The following PLA2G4E variants were observed in gnomAD, a reference collection of about 807,000 sequenced individuals.
The protein encoded by PLA2G4E is cytosolic phospholipase A2 epsilon.
Under a neutral mutation model 109.1 loss-of-function variants are expected in PLA2G4E, and 84 were observed. That is an observed-to-expected ratio of 0.77 (90% CI 0.65 to 0.92). The LOEUF (loss-of-function observed/expected upper bound fraction) is 0.92, where lower values mean the gene tolerates loss of function less well. Ranked by LOEUF, PLA2G4E falls within the 40% of genes least tolerant of loss-of-function variation. The probability of loss-of-function intolerance (pLI) is 0.00; values close to 1 mark genes in which losing one functional copy is unlikely to be tolerated. For missense variants in PLA2G4E, 1,057 were observed against 1,076.6 expected, an observed-to-expected ratio of 0.98 and a Z score of 0.25; for synonymous variants, 469 against 436.1, an observed-to-expected ratio of 1.08 and a Z score of -0.94.
intron 12 of PLA2G4E, among the ~76,000 whole-genome samples, 195 bp downstream of exon 12, chr15:41,995,165 T>G (rs924366541): frequency 9.9e-5 from 15 of 152,260 alleles, no homozygotes; most frequent in Non-Finnish European, 2.9e-5. Context: ...TTATCCGCAC[T>G]GTGCAGATAC....
intron 1 of PLA2G4E, among the ~76,000 whole-genome samples, chr15:42,040,455 T>C (rs1889296591): frequency 6.6e-6 from 1 of 152,270 alleles, no homozygotes; most frequent in African/African-American, 2.4e-5. Context: ...GTACTGGTAT[T>C]GTTTTATCAT....
intron 1 of PLA2G4E, among the ~76,000 whole-genome samples, chr15:42,036,593 G>A (rs1010718684): frequency 6.6e-6 from 1 of 152,144 alleles, no homozygotes; most frequent in East Asian, 1.9e-4. Context: ...CACTCCCAAA[G>A]GCTGGGCCAG....
exon 1 of PLA2G4E, chr15:42,050,630 T>A: frequency 6.4e-7 from 1 of 1,550,614 alleles, no homozygotes; most frequent in Non-Finnish European, 8.7e-7. Context: ...GCCTTCTTCA[T>A]CCGTTTGTGG....
chr15:41,996,445 G>C (rs2068342726), intron 11 of PLA2G4E, among the ~76,000 whole-genome samples: 1 of 149,708 alleles, frequency 6.7e-6, no homozygotes, highest in Non-Finnish European at 1.5e-5. Flanking sequence ...GGGGCTGTAA[G>C]AACCTTCCAT....
chr15:41,987,524 A>AGGAC, intron 16 of PLA2G4E, 149 bp from the exon 17 acceptor site: 1 of 707,820 alleles, frequency 1.4e-6, no homozygotes, highest in Non-Finnish European at 2.4e-6. Flanking sequence ...AGGTCCTGGC[A>AGGAC]CTGGGGTTAG....
chr15:41,991,447 G>A (rs1397050974), intron 13 of PLA2G4E, among the ~76,000 whole-genome samples: 1 of 149,878 alleles, frequency 6.7e-6, no homozygotes, highest in African/African-American at 2.4e-5. Flanking sequence ...GAATCCCAAG[G>A]CCGATGCCCT....
At chr15:41,995,452 G>A (rs1449440688) in exon 12 of PLA2G4E, 1 of 1,613,992 alleles carries the variant, frequency 6.2e-7, no homozygotes, top group African/African-American at 1.3e-5. Context: ...TGGAGGTCAT[G>A]GATCTTGTTC....
intron 1 of PLA2G4E, among the ~76,000 whole-genome samples, chr15:42,036,197 G>A (rs1350540748): frequency 6.6e-6 from 1 of 152,210 alleles, no homozygotes; most frequent in East Asian, 1.9e-4. Flanking sequence ...GGAGGGTGCG[G>A]GGAGGAGGCC....
intron 13 of PLA2G4E, among the ~76,000 whole-genome samples, chr15:41,991,810 C>T (rs552844323): frequency 6.6e-6 from 1 of 152,284 alleles, no homozygotes; most frequent in South Asian, 2.1e-4. Flanking sequence ...TGGAGTGGAG[C>T]AGGGAACCGT....
exon 13 of PLA2G4E, chr15:41,992,867 T>C (rs1254021470): frequency 6.2e-7 from 1 of 1,614,054 alleles, no homozygotes; most frequent in African/African-American, 1.3e-5. Context: ...GGAGGGTAGC[T>C]TGTCCTTTAC....
intron 1 of PLA2G4E, among the ~76,000 whole-genome samples, chr15:42,025,615 C>T (rs1253384068): frequency 6.6e-6 from 1 of 152,110 alleles, no homozygotes; most frequent in East Asian, 1.9e-4. Flanking sequence ...TTTGGCAGTT[C>T]CAAGAGACGT....
chr15:42,000,079 T>C, intron 8 of PLA2G4E, 25 bp downstream of exon 8: 1 of 1,552,032 alleles, frequency 6.4e-7, no homozygotes, highest in Non-Finnish European at 8.8e-7. Flanking sequence ...CCCCCACACC[T>C]CCCCCAGTGT....
At chr15:42,046,171 C>G (rs894287468) in intron 1 of PLA2G4E, among the ~76,000 whole-genome samples, 1 of 152,172 alleles carries the variant, frequency 6.6e-6, no homozygotes, top group African/African-American at 2.4e-5. Context: ...TCACTTGGCC[C>G]GCACTTCCCC....
chr15:41,987,080 G>A (rs892594214), intron 17 of PLA2G4E, 92 bp downstream of exon 17: 2 of 1,355,496 alleles, frequency 1.5e-6, no homozygotes, highest in Non-Finnish European at 1.0e-6. Flanking sequence ...AGCCAGAGAA[G>A]TTTTCTTATT....
chr15:42,046,442 T>G (rs1264915428), intron 1 of PLA2G4E, among the ~76,000 whole-genome samples: 1 of 152,236 alleles, frequency 6.6e-6, no homozygotes, highest in Non-Finnish European at 1.5e-5. Context: ...CAACCTTGTG[T>G]CCACCTCAGG....
At chr15:42,011,923 G>A (rs1156357209) in intron 2 of PLA2G4E, among the ~76,000 whole-genome samples, 1 of 152,054 alleles carries the variant, frequency 6.6e-6, no homozygotes, top group African/African-American at 2.4e-5. Flanking sequence ...TGGATCCAGA[G>A]GACACTCCCT....
At chr15:41,986,050 C>T in intron 17 of PLA2G4E, 45 bp from the exon 18 acceptor site, 1 of 1,550,722 alleles carries the variant, frequency 6.4e-7, no homozygotes, top group South Asian at 1.2e-5. Context: ...GGTGCCCTGA[C>T]AGCCAATGGA....
At chr15:42,025,944 C>T (rs1402756513) in intron 1 of PLA2G4E, among the ~76,000 whole-genome samples, 2 of 152,034 alleles carry the variant, frequency 1.3e-5, no homozygotes, top group Admixed American at 1.3e-4. Context: ...TGTGAGAGTA[C>T]ATTTATATAA....
At chr15:42,031,868 T>C (rs992521867) in intron 1 of PLA2G4E, among the ~76,000 whole-genome samples, 1 of 152,202 alleles carries the variant, frequency 6.6e-6, no homozygotes, top group African/African-American at 2.4e-5. Flanking sequence ...CTACCTGATA[T>C]CATTTGGATG....
Sources: gnomAD v4.1 joint callset for allele counts (sites outside exome capture counted in the v4.1 genomes callset) on GRCh38, gnomAD v4.1.1 for gene constraint, MANE v1.5 for transcripts, NCBI Gene and HGNC (gene_info 2026-07-23, HGNC 2026-07-21) for gene names.